CELF2: variants seen among roughly 807,000 people sequenced by gnomAD.
The protein encoded by CELF2 is CUG triplet repeat RNA-binding protein 2.
Under a neutral mutation model 62.6 loss-of-function variants are expected in CELF2, and 8 were observed. That is an observed-to-expected ratio of 0.13 (90% CI 0.07 to 0.23). The LOEUF is 0.23. Ranked by LOEUF, CELF2 falls within the 10% of genes least tolerant of loss-of-function variation. The probability of loss-of-function intolerance (pLI) is 1.00; values close to 1 mark genes in which losing one functional copy is unlikely to be tolerated. For missense variants in CELF2, 333 were observed against 671.0 expected, an observed-to-expected ratio of 0.50 and a Z score of 5.56; for synonymous variants, 258 against 250.0, an observed-to-expected ratio of 1.03 and a Z score of -0.30.
At chr10:10,612,462 G>C in the CELF2 span, among the ~76,000 whole-genome samples, 1 of 152,166 alleles carries the variant, frequency 6.6e-6, no homozygotes, top group African/African-American at 2.4e-5. Flanking sequence ...AATTCTGCTA[G>C]ATACAGAAAC....
At chr10:10,736,357 ATTCTTTCTTTCTTTCT>A in the CELF2 span, among the ~76,000 whole-genome samples, 61 of 109,664 alleles carry the variant, frequency 5.6e-4, 2 homozygotes, top group South Asian at 9.6e-3. Flanking sequence ...ACTGATTTCT[ATTCTTTCTTTCTTTCT>A]TTCTTTCTTT....
chr10:11,127,609 C>G (rs1384118875), intron 1 of CELF2, among the ~76,000 whole-genome samples: 1 of 152,138 alleles, frequency 6.6e-6, no homozygotes, highest in African/African-American at 2.4e-5. Context: ...GATGGTATCT[C>G]ATTGTGGTTT....
chr10:10,909,927 T>A (rs1392047418), intron 1 of CELF2, among the ~76,000 whole-genome samples: 3 of 151,862 alleles, frequency 2.0e-5, no homozygotes, highest in African/African-American at 4.9e-5. Context: ...CAGTAGGAGG[T>A]GTAGAAATGT....
rs775388908 is a variant in CELF2 at position 11,139,839 on chromosome 10, GT to G, written c.75-25632del. Among the ~76,000 whole-genome samples, 673 of 140,954 alleles carry G rather than the reference GT, an allele frequency of 4.8e-3. 4 individuals carry two copies. The highest frequency in any genetic ancestry group is 0.013 in the African/African-American group (490 of 38,340). The allele number at this position is 140,954 out of a possible 152,430, so 92.5% of individuals were successfully genotyped here. ...ACCCTAAAGTAGACCACATCATTCAGTTTTTTTTTTTTTTTATTCAGCAAAC... is the reference window on the plus strand; with the variant it reads ...ACCCTAAAGTAGACCACATCATTCAGTTTTTTTTTTTTTTATTCAGCAAAC... On this transcript the variant is annotated intron_variant, in intron 1 of 12. Transcript: ENST00000633077.
chr10:11,003,979 G>C (rs1236919443), upstream of CELF2, among the ~76,000 whole-genome samples: 1 of 152,136 alleles, frequency 6.6e-6, no homozygotes, highest in East Asian at 1.9e-4. The surrounding 1 kb of genome is among the most constrained non-coding windows in gnomAD (Gnocchi z 4.4). Context: ...ATTTGCCATA[G>C]TCCAGCTGAT....
chr10:11,129,446 C>T (rs1386120727), intron 1 of CELF2, among the ~76,000 whole-genome samples: 2 of 152,088 alleles, frequency 1.3e-5, no homozygotes, highest in African/African-American at 4.8e-5. Context: ...TAGTTTCAGA[C>T]GGAAAGGTAC....
intron 1 of CELF2, among the ~76,000 whole-genome samples, chr10:10,825,572 A>G (rs532544788): frequency 6.6e-6 from 1 of 152,342 alleles, no homozygotes; most frequent in African/African-American, 2.4e-5. Flanking sequence ...ATAAACTTTC[A>G]TAATGGTAAA....
intron 2 of CELF2, among the ~76,000 whole-genome samples, chr10:11,201,990 C>T (rs1336206662): frequency 6.6e-6 from 1 of 152,054 alleles, no homozygotes. Flanking sequence ...ATGCTTAACT[C>T]TCTTCAGTCT....
At chr10:10,807,665 G>A (rs61465252) in intron 1 of CELF2, among the ~76,000 whole-genome samples, 11 of 152,042 alleles carry the variant, frequency 7.2e-5, no homozygotes, top group Non-Finnish European at 1.3e-4. Context: ...AGCTTAAGAC[G>A]AAAGGAAAAG....
At chr10:11,056,157 G>A (rs1012721602) in intron 1 of CELF2, among the ~76,000 whole-genome samples, 3 of 152,176 alleles carry the variant, frequency 2.0e-5, no homozygotes, top group Non-Finnish European at 4.4e-5. Context: ...TGTGCAATAT[G>A]GGACCCTATA....
rs201466699 is a variant in CELF2 at position 10,885,179 on chromosome 10, G to A, written c.54-34785G>A. Among the ~76,000 whole-genome samples the A allele has an allele frequency of 3.9e-5, 6 of 151,946 alleles. No homozygotes were observed. In the East Asian group the frequency reaches 7.8e-4, roughly 20 times the overall value. The stretch of plus-strand genomic sequence containing the variant: ...AATCGCTTGAACACGGTAGGTGGAG[G>A]TTGCAGTGAGCCAAGATTGTGCCAT... On this transcript the variant is annotated intron_variant, in intron 1 of 13. Coordinates refer to the CELF2 transcript ENST00000636488.
At chr10:11,286,667 G>T (rs2091397033) in intron 8 of CELF2, among the ~76,000 whole-genome samples, 1 of 152,212 alleles carries the variant, frequency 6.6e-6, no homozygotes, top group African/African-American at 2.4e-5. Context: ...ACGTTCTCAT[G>T]AATATGGCAC....
At chr10:10,712,795 C>T in the CELF2 span, among the ~76,000 whole-genome samples, 2 of 152,150 alleles carry the variant, frequency 1.3e-5, no homozygotes, top group Admixed American at 1.3e-4. Context: ...AAAATATATT[C>T]CAACTTCCAC....
intron 5 of CELF2, among the ~76,000 whole-genome samples, chr10:11,258,191 G>A (rs1311377286): frequency 6.6e-6 from 1 of 152,226 alleles, no homozygotes; most frequent in African/African-American, 2.4e-5. Flanking sequence ...AGAAGGAGAA[G>A]TAGAAAATGA....
chr10:10,497,568 T>C, the CELF2 span, among the ~76,000 whole-genome samples: 1 of 150,692 alleles, frequency 6.6e-6, no homozygotes, highest in Non-Finnish European at 1.5e-5. Flanking sequence ...AAGGGAGAGA[T>C]GAAGGGTTGG....
rs1318873738 is a variant in CELF2, at chr10:11,127,615, G to A, written c.75-37871G>A. On this transcript the variant is annotated intron_variant, in intron 1 of 12. Coordinates refer to ENST00000633077, the MANE Select transcript of CELF2 (RefSeq NM_001326342.2). ...CTGGTGTGAGATGGTATCTCATTGT[G>A]GTTTTGATTTGCATTTCTCTGATGA... is the stretch of plus-strand genomic sequence containing the variant. 2.0e-5 allele frequency among the ~76,000 whole-genome samples: 3 copies of A among 152,234 alleles called. No homozygotes were observed. In the East Asian group the frequency reaches 5.8e-4, roughly 29 times the overall value.
the CELF2 span, among the ~76,000 whole-genome samples, chr10:10,747,137 G>T: frequency 6.6e-6 from 1 of 152,192 alleles, no homozygotes; most frequent in African/African-American, 2.4e-5. Context: ...GCCTGATGTT[G>T]TCTAGGTAAG....
At chr10:10,843,584 A>G (rs1274529731) in intron 1 of CELF2, among the ~76,000 whole-genome samples, 2 of 152,036 alleles carry the variant, frequency 1.3e-5, no homozygotes, top group Non-Finnish European at 2.9e-5. Flanking sequence ...TTTATGGCTC[A>G]TAATGGGATC....
At chr10:10,729,843 A>G in the CELF2 span, among the ~76,000 whole-genome samples, 2 of 152,160 alleles carry the variant, frequency 1.3e-5, 1 homozygote, top group East Asian at 3.8e-4. Context: ...CTTGTACAAC[A>G]AAATTATCGA....
Sources: gnomAD v4.1 joint callset for allele counts (sites outside exome capture counted in the v4.1 genomes callset) on GRCh38, gnomAD v4.1.1 for gene constraint, Gnocchi (gnomAD v3.1) non-coding constraint, MANE v1.5 for transcripts, NCBI Gene and HGNC (gene_info 2026-07-23, HGNC 2026-07-21) for gene names.